SLC8A2: variants seen among roughly 807,000 people sequenced by gnomAD.
SLC8A2 encodes the protein solute carrier family 8 member A2.
A neutral mutation model predicts 70.2 loss-of-function variants in SLC8A2; 14 were observed. That is an observed-to-expected ratio of 0.20 (90% CI 0.13 to 0.31). The LOEUF (loss-of-function observed/expected upper bound fraction) is 0.31, where lower values mean the gene tolerates loss of function less well. Among genes scored for constraint, SLC8A2 ranks in the 10% least tolerant of loss-of-function variants. The probability of loss-of-function intolerance (pLI) is 1.00; values close to 1 mark genes in which losing one functional copy is unlikely to be tolerated. For missense variants in SLC8A2, 779 were observed against 1,320.1 expected (o/e 0.59, Z 6.35); for synonymous variants, 575 against 594.3 (o/e 0.97, Z 0.47).
chr19:47,470,706 G>A (rs1967525296), intron 1 of SLC8A2, among the ~76,000 whole-genome samples: 1 of 152,248 alleles, frequency 6.6e-6, no homozygotes, highest in Admixed American at 6.5e-5. Flanking sequence ...GGAAGGACTG[G>A]TCCAGTTACA....
rs968506208 is a variant in SLC8A2 at position 47,447,745 on chromosome 19, G to C, written c.1763+64C>G. ...TGGCTCACCCAGGCCCCGCCCCTGA[G>C]CCACATCAGGCCTCGCCCATTCCGA... On this transcript the variant is annotated intron_variant, in intron 4 of 9. Transcript: ENST00000236877. The surrounding 1 kb of genome is among the most constrained non-coding windows in gnomAD (Gnocchi z 5.1). 1 of 1,459,516 alleles carries C rather than the reference G, an allele frequency of 6.9e-7. No homozygotes were observed. The highest frequency in any genetic ancestry group is 2.4e-5 in the Admixed American group (1 of 41,322). 90.4% of individuals were successfully genotyped at this position (1,459,516 alleles called of 1,614,324 possible).
chr19:47,445,212 G>A (rs1271843407), intron 4 of SLC8A2, among the ~76,000 whole-genome samples: 1 of 152,122 alleles, frequency 6.6e-6, no homozygotes, highest in East Asian at 1.9e-4. Context: ...GGGTTCAAGC[G>A]ATTCTCCTGT....
intron 2 of SLC8A2, among the ~76,000 whole-genome samples, chr19:47,459,321 C>T (rs1465120898): frequency 1.3e-5 from 2 of 152,132 alleles, no homozygotes; most frequent in Non-Finnish European, 2.9e-5. Context: ...TCCTCCTCCT[C>T]TGTCTCTCTC....
chr19:47,447,077 G>C lies in SLC8A2; in HGVS notation c.1763+732C>G, dbSNP rs1012544424. Among the ~76,000 whole-genome samples the C allele has an allele frequency of 6.7e-6, 1 of 148,244 alleles. No individual in the cohort carries two copies. Among genetic ancestry groups the C allele is most frequent in the Admixed American group, 6.7e-5 (1 of 14,968 alleles). On this transcript the variant is annotated intron_variant, in intron 4 of 9. Coordinates refer to ENST00000236877, the MANE Select transcript of SLC8A2 (RefSeq NM_015063.3). The surrounding 1 kb of genome is among the most constrained non-coding windows in gnomAD (Gnocchi z 5.1). ...ATCCTCGCCCAGATTCGCGTTAGGT[G>C]CCCCGCTATTTCCCCAGGTTCTTCC... is the stretch of plus-strand genomic sequence containing the variant.
At chr19:47,450,057 T>A (rs1967216525) in intron 3 of SLC8A2, among the ~76,000 whole-genome samples, 4 of 151,748 alleles carry the variant, frequency 2.6e-5, no homozygotes, top group Non-Finnish European at 4.4e-5. Context: ...GGTCATGGAG[T>A]AAGTGGACTC....
rs781069213 is a variant in SLC8A2 at position 47,430,077 on chromosome 19, C to T, written c.*12G>A. 2.5e-6 allele frequency: 4 copies of T among 1,573,606 alleles called. No homozygotes were observed. Among genetic ancestry groups the T allele is most frequent in the Non-Finnish European group, 2.6e-6 (3 of 1,159,190 alleles). On this transcript the variant is annotated 3_prime_UTR_variant, in exon 10 of 10. Coordinates refer to ENST00000236877, the MANE Select transcript of SLC8A2 (RefSeq NM_015063.3). This position sits in a 1 kb window ranked among gnomAD's most constrained non-coding sequence, Gnocchi z 5.9. ...CCGGGCGGGCGGTGGGGACGAGTCT[C>T]TGCGCGAGGCCCTAGAAGCCCCGGA...
Position 47,448,337 on chromosome 19 carries a change from T to C in SLC8A2, c.1341-106A>G, listed in dbSNP as rs1453612936. 5 of 803,570 alleles carry C rather than the reference T, an allele frequency of 6.2e-6. No individual in the cohort carries two copies. Among genetic ancestry groups the C allele is most frequent in the Non-Finnish European group, 3.9e-6 (2 of 513,286 alleles). The allele number at this position is 803,570 out of a possible 1,614,324, so 49.8% of individuals were successfully genotyped here. On this transcript the variant is annotated intron_variant, in intron 3 of 9. Coordinates refer to ENST00000236877, the MANE Select transcript of SLC8A2 (RefSeq NM_015063.3). This position sits in a 1 kb window ranked among gnomAD's most constrained non-coding sequence, Gnocchi z 4.8. ...CTTCCCAGAGGAGACGTAGGTGCCA[T>C]AGAAGAACTCCCAAGTATGAGGGTC...
chr19:47,466,133 C>T lies in SLC8A2; in HGVS notation c.271G>A (p.Asp91Asn), dbSNP rs774425145. 3 of 1,614,192 alleles carry T rather than the reference C, an allele frequency of 1.9e-6. No homozygotes were observed. The highest frequency in any genetic ancestry group is 1.7e-6 in the Non-Finnish European group (2 of 1,180,040). The stretch of plus-strand genomic sequence containing the variant: ...ACCTCGATGGCCGCCATGAAACGGT[C>T]GGCGATGATGGACACTCCCAGAAAC... ...YMFLGVSIIA[D>N]RFMAAIEVIT... The change falls in exon 2 of 10, where the codon GAC becomes AAC. Residue 91 changes from aspartate (D) to asparagine (N), a missense_variant. Around this residue, in one of 6 missense-constraint regions of SLC8A2, gnomAD observed 155 missense variants for 318.6 expected, o/e 0.49. Transcript: ENST00000236877. The surrounding 1 kb of genome is among the most constrained non-coding windows in gnomAD (Gnocchi z 6.9).
chr19:47,440,971 A>T lies in SLC8A2; in HGVS notation c.1885+198T>A, dbSNP rs750841809. Among the ~76,000 whole-genome samples, 31 of 152,214 alleles carry T rather than the reference A, an allele frequency of 2.0e-4. 1 individual carries two copies. Among genetic ancestry groups the T allele is most frequent in the Middle Eastern group, 3.4e-3 (1 of 292 alleles). The stretch of plus-strand genomic sequence containing the variant: ...CATAATCTTGACCTCCAAAATGCTA[A>T]CTGTAATCCCAAACTCATACAGGCA... On this transcript the variant is annotated intron_variant, in intron 6 of 9. Coordinates refer to ENST00000236877, the MANE Select transcript of SLC8A2 (RefSeq NM_015063.3).
At position 47,447,161 on chromosome 19, in the gene SLC8A2, G is replaced by C. The variant is rs2122629634; in HGVS notation, c.1763+648C>G. The stretch of plus-strand genomic sequence containing the variant: ...CGCGCGCCCAGGCCCCACCCATCTT[G>C]TTAGGCCCCGCCTTCTTCCGCAGCC... On this transcript the variant is annotated intron_variant, in intron 4 of 9. Transcript: ENST00000236877. This position sits in a 1 kb window ranked among gnomAD's most constrained non-coding sequence, Gnocchi z 5.1. Among the ~76,000 whole-genome samples, 1 of 149,474 alleles carries C rather than the reference G, an allele frequency of 6.7e-6. No homozygotes were observed. Among genetic ancestry groups the C allele is most frequent in the African/African-American group, 2.5e-5 (1 of 40,194 alleles).
At chr19:47,457,841 CTTTT>C (rs1313141198) in intron 2 of SLC8A2, among the ~76,000 whole-genome samples, 1 of 123,128 alleles carries the variant, frequency 8.1e-6, no homozygotes, top group Admixed American at 8.4e-5. Context: ...TTCTTTCTTT[CTTTT>C]TTTTTTTATT....
rs913816805 is a variant in SLC8A2, at chr19:47,466,853, T to C, written c.-16-434A>G. The stretch of plus-strand genomic sequence containing the variant: ...AGGCTGAGGTGGGTGGATCAGGAGT[T>C]TGAGACCAGCCTGGCCAACATGGTG... On this transcript the variant is annotated intron_variant, in intron 1 of 9. Coordinates refer to ENST00000236877, the MANE Select transcript of SLC8A2 (RefSeq NM_015063.3). This position sits in a 1 kb window ranked among gnomAD's most constrained non-coding sequence, Gnocchi z 6.9. Among the ~76,000 whole-genome samples, 2 of 152,136 alleles carry C rather than the reference T, an allele frequency of 1.3e-5. No individual in the cohort carries two copies. Among genetic ancestry groups the C allele is most frequent in the East Asian group, 1.9e-4 (1 of 5,170 alleles).
chr19:47,445,759 G>T (rs868797894), intron 4 of SLC8A2, among the ~76,000 whole-genome samples: 1 of 152,184 alleles, frequency 6.6e-6, no homozygotes, highest in Non-Finnish European at 1.5e-5. Flanking sequence ...GGGCCGTAAG[G>T]TTGCAGCAGC....
chr19:47,459,691 G>GTGTGTCCTTC (rs1260437583), intron 2 of SLC8A2, among the ~76,000 whole-genome samples: 1 of 144,470 alleles, frequency 6.9e-6, no homozygotes, highest in Non-Finnish European at 1.5e-5. Flanking sequence ...GTGTGCATGG[G>GTGTGTCCTTC]TGTGTCCTTC....
chr19:47,451,297 C>T (rs911254997), intron 3 of SLC8A2, among the ~76,000 whole-genome samples: 8 of 148,492 alleles, frequency 5.4e-5, no homozygotes, highest in African/African-American at 1.5e-4. Context: ...CATAAGCCAC[C>T]GCGCCCAGAC....
At chr19:47,435,062 A>C (rs2122614172) in intron 8 of SLC8A2, among the ~76,000 whole-genome samples, 1 of 152,140 alleles carries the variant, frequency 6.6e-6, no homozygotes, top group South Asian at 2.1e-4. Flanking sequence ...TACAAAACTT[A>C]GCCAGACATG....
intron 3 of SLC8A2, among the ~76,000 whole-genome samples, chr19:47,452,856 A>T (rs1233483502): frequency 6.6e-6 from 1 of 152,012 alleles, no homozygotes; most frequent in Non-Finnish European, 1.5e-5. Flanking sequence ...AACATGGTGA[A>T]ACCCCATCTC....
At chr19:47,460,696 T>TA (rs570411930) in intron 2 of SLC8A2, among the ~76,000 whole-genome samples, 86 of 135,392 alleles carry the variant, frequency 6.4e-4, no homozygotes, top group African/African-American at 8.7e-4. Context: ...GACTCCATCT[T>TA]AAAAAAAAAA....
rs532762104 is a variant in SLC8A2, at chr19:47,441,082, G to T, written c.1885+87C>A. On this transcript the variant is annotated intron_variant, in intron 6 of 9. Coordinates refer to ENST00000236877, the MANE Select transcript of SLC8A2 (RefSeq NM_015063.3). ...TCCAATCTGCCTCAAACCCAACCTGGAAGAGTAGCTTTGGGGCTGGGACCC... is the reference window on the plus strand; with the variant it reads ...TCCAATCTGCCTCAAACCCAACCTGTAAGAGTAGCTTTGGGGCTGGGACCC... The T allele has an allele frequency of 1.6e-5, 21 of 1,323,666 alleles. 1 individual carries two copies. Among genetic ancestry groups the T allele is most frequent in the South Asian group, 1.4e-4 (12 of 84,060 alleles). The allele number at this position is 1,323,666 out of a possible 1,614,324, so 82.0% of individuals were successfully genotyped here.
Sources: allele counts gnomAD v4.1 joint callset (sites outside exome capture counted in the v4.1 genomes callset), GRCh38; gene constraint gnomAD v4.1.1; regional missense constraint gnomAD v4.1.1; non-coding constraint Gnocchi (gnomAD v3.1); transcripts MANE v1.5; gene names NCBI Gene and HGNC (gene_info 2026-07-23, HGNC 2026-07-21).